Variants in LYRM4 observed in about 807,000 individuals in gnomAD.
The protein encoded by LYRM4 is LYR motif-containing protein 4.
LYRM4 carries 9 observed loss-of-function variants against 11.7 expected under a neutral mutation model. The ratio of observed to expected loss-of-function variants is 0.77; its 90% CI spans 0.46 to 1.34. The LOEUF (loss-of-function observed/expected upper bound fraction) is 1.34, where lower values mean the gene tolerates loss of function less well. LYRM4 is among the 40% of genes most tolerant of loss of function. The pLI, the probability that LYRM4 is intolerant of heterozygous loss-of-function variation, is 0.00. For missense variants in LYRM4, 133 were observed against 112.5 expected (o/e 1.18, Z -0.82); for synonymous variants, 42 against 40.4 (o/e 1.04, Z -0.15).
intron 2 of LYRM4, among the ~76,000 whole-genome samples, chr6:5,160,661 C>T (rs1406990778): frequency 6.6e-6 from 1 of 151,226 alleles, no homozygotes; most frequent in Non-Finnish European, 1.5e-5. Context: ...GACCCCCCCC[C>T]CAGCAATGTG....
the LYRM4 span, among the ~76,000 whole-genome samples, chr6:5,067,243 C>T: frequency 6.6e-6 from 1 of 152,294 alleles, no homozygotes; most frequent in East Asian, 1.9e-4. Context: ...TTATCTATTG[C>T]TGTGTAACAG....
intron 2 of LYRM4, among the ~76,000 whole-genome samples, chr6:5,207,084 A>G (rs1453948006): frequency 2.0e-5 from 3 of 152,188 alleles, no homozygotes; most frequent in African/African-American, 7.2e-5. Flanking sequence ...GCTACTGAGT[A>G]AGTGTTATTA....
chr6:5,195,349 G>A (rs1026781895), intron 2 of LYRM4, among the ~76,000 whole-genome samples: 3 of 152,032 alleles, frequency 2.0e-5, no homozygotes, highest in Non-Finnish European at 4.4e-5. Context: ...GGTGGCTCAC[G>A]CCTATAATCT....
chr6:5,225,427 ATCTC>A (rs1279229026), intron 1 of LYRM4, among the ~76,000 whole-genome samples: 3 of 152,130 alleles, frequency 2.0e-5, no homozygotes, highest in Non-Finnish European at 4.4e-5. Flanking sequence ...TCATATTAAA[ATCTC>A]TACGTGTACA....
chr6:5,134,222 G>C (rs1219953065), intron 2 of LYRM4, among the ~76,000 whole-genome samples: 2 of 152,194 alleles, frequency 1.3e-5, no homozygotes, highest in Non-Finnish European at 2.9e-5. Flanking sequence ...TGTAATGTCT[G>C]GCCAAGGCTA....
chr6:5,113,376 C>A (rs1762971281), intron 2 of LYRM4: 1 of 435,960 alleles, frequency 2.3e-6, no homozygotes, highest in Non-Finnish European at 4.7e-6. Flanking sequence ...TGAGATCACG[C>A]CACTGCACTC....
At chr6:5,237,269 T>G (rs1313492475) in intron 1 of LYRM4, among the ~76,000 whole-genome samples, 1 of 152,108 alleles carries the variant, frequency 6.6e-6, no homozygotes, top group Non-Finnish European at 1.5e-5. Flanking sequence ...AGATCAGTGG[T>G]GGCATTAGAT....
At chr6:5,096,706 G>A in the LYRM4 span, among the ~76,000 whole-genome samples, 3 of 152,190 alleles carry the variant, frequency 2.0e-5, no homozygotes, top group Non-Finnish European at 4.4e-5. Flanking sequence ...TTGCAAAATA[G>A]GGGCGGTAAC....
chr6:5,169,905 G>A (rs1226988062), intron 2 of LYRM4, among the ~76,000 whole-genome samples: 1 of 152,206 alleles, frequency 6.6e-6, no homozygotes, highest in African/African-American at 2.4e-5. Context: ...AGAGAGACAA[G>A]CGTTTAAAAA....
chr6:5,065,217 A>G, the LYRM4 span, among the ~76,000 whole-genome samples: 3 of 152,250 alleles, frequency 2.0e-5, no homozygotes, highest in South Asian at 2.1e-4. Context: ...TTACTGCTGA[A>G]TAATATTCCA....
chr6:5,197,148 A>G (rs1761100915), intron 2 of LYRM4, among the ~76,000 whole-genome samples: 1 of 152,190 alleles, frequency 6.6e-6, no homozygotes, highest in Non-Finnish European at 1.5e-5. Flanking sequence ...GCATCTAGTC[A>G]ACAGGAATAT....
chr6:5,078,551 T>C, the LYRM4 span, among the ~76,000 whole-genome samples: 13 of 152,302 alleles, frequency 8.5e-5, no homozygotes, highest in Admixed American at 8.5e-4. Flanking sequence ...CTCTTCTAGA[T>C]TGGCTAAATG....
chr6:5,229,309 A>C (rs11242999), intron 1 of LYRM4, among the ~76,000 whole-genome samples: 4,989 of 152,268 alleles, frequency 0.033, 291 homozygotes, highest in African/African-American at 0.11. Context: ...CAAGCAAATG[A>C]AAAAGGCTGT....
intron 2 of LYRM4, among the ~76,000 whole-genome samples, chr6:5,172,684 G>A (rs1384493418): frequency 6.6e-6 from 1 of 152,088 alleles, no homozygotes; most frequent in Non-Finnish European, 1.5e-5. Flanking sequence ...ACAGAAACAC[G>A]CACCAAAAAT....
At chr6:5,248,937 C>T (rs1412932005) in intron 1 of LYRM4, among the ~76,000 whole-genome samples, 1 of 152,220 alleles carries the variant, frequency 6.6e-6, no homozygotes, top group East Asian at 1.9e-4. Flanking sequence ...AAACAAGCAT[C>T]ATATCAAAGC....
At position 5,109,223 on chromosome 6, in the gene LYRM4, T is replaced by C; in HGVS notation, c.*200A>G. 7.0e-7 allele frequency: 1 copy of C among 1,429,202 alleles called. No homozygotes were observed. The highest frequency in any genetic ancestry group is 9.2e-7 in the Non-Finnish European group (1 of 1,091,448). The allele number at this position is 1,429,202 out of a possible 1,614,324, so 88.5% of individuals were successfully genotyped here. On this transcript the variant is annotated 3_prime_UTR_variant, in exon 3 of 3. Coordinates refer to ENST00000330636, the MANE Select transcript of LYRM4 (RefSeq NM_020408.6). ...CTGAACGAACTCCAGCTCTCCATTC[T>C]AACACTTGAACCAAGGAAAGACAGC...
the LYRM4 span, among the ~76,000 whole-genome samples, chr6:5,081,556 T>G: frequency 2.0e-5 from 3 of 152,306 alleles, no homozygotes; most frequent in African/African-American, 7.2e-5. Flanking sequence ...CCTGGGAACA[T>G]CAGGGCTGCT....
At chr6:5,063,158 T>A in the LYRM4 span, among the ~76,000 whole-genome samples, 1 of 152,246 alleles carries the variant, frequency 6.6e-6, no homozygotes, top group Admixed American at 6.5e-5. Context: ...TTTTTTTGAA[T>A]GGGGCAAACT....
chr6:5,210,742 AC>A (rs1363378225), intron 2 of LYRM4, among the ~76,000 whole-genome samples: 1 of 152,138 alleles, frequency 6.6e-6, no homozygotes, highest in Non-Finnish European at 1.5e-5. Flanking sequence ...TACTTTAGAC[AC>A]CTCATATAAA....
Sources: allele counts gnomAD v4.1 joint callset (sites outside exome capture counted in the v4.1 genomes callset), GRCh38; gene constraint gnomAD v4.1.1; transcripts MANE v1.5; gene names NCBI Gene and HGNC (gene_info 2026-07-23, HGNC 2026-07-21).